The following NCOA2 variants were observed in gnomAD, a reference collection of about 807,000 sequenced individuals.
NCOA2 encodes the protein nuclear receptor coactivator 2.
In NCOA2, 21 loss-of-function variants were observed where a neutral mutation model predicts 145.1. The ratio of observed to expected loss-of-function variants is 0.14; its 90% confidence interval spans 0.10 to 0.21. The LOEUF (loss-of-function observed/expected upper bound fraction) is 0.21. Among genes scored for constraint, NCOA2 ranks in the 10% least tolerant of loss-of-function variants. NCOA2 has a pLI of 1.00. For synonymous variants in NCOA2, 619 were observed against 637.5 expected (o/e 0.97, Z 0.44); for missense variants, 1,472 against 1,837.6 (o/e 0.80, Z 3.64).
the NCOA2 span, among the ~76,000 whole-genome samples, chr8:70,426,187 T>C: frequency 5.9e-5 from 9 of 152,158 alleles, no homozygotes; most frequent in Admixed American, 5.9e-4. Flanking sequence ...GACTAGTCAT[T>C]CCATCCATTA....
chr8:70,383,903 C>T (rs528749994), intron 1 of NCOA2, among the ~76,000 whole-genome samples: 1 of 152,318 alleles, frequency 6.6e-6, no homozygotes, highest in Admixed American at 6.5e-5. Context: ...TATAAATAGT[C>T]TTCTCTGGTA....
chr8:70,361,727 T>A (rs970657102), intron 1 of NCOA2, among the ~76,000 whole-genome samples: 7 of 152,228 alleles, frequency 4.6e-5, no homozygotes, highest in Non-Finnish European at 1.5e-5. Context: ...ATAATCCAAT[T>A]ATATGTAAAT....
intron 2 of NCOA2, among the ~76,000 whole-genome samples, chr8:70,287,452 T>C (rs79552844): frequency 2.6e-5 from 4 of 152,328 alleles, no homozygotes; most frequent in Admixed American, 2.6e-4. Flanking sequence ...AAAGGTCCTA[T>C]ATAGGCTTCT....
At chr8:70,288,444 G>C (rs1461278314) in intron 2 of NCOA2, among the ~76,000 whole-genome samples, 1 of 152,084 alleles carries the variant, frequency 6.6e-6, no homozygotes, top group Non-Finnish European at 1.5e-5. Flanking sequence ...AGCCAGCATG[G>C]TGGTGCGCAC....
intron 1 of NCOA2, among the ~76,000 whole-genome samples, chr8:70,344,709 T>A (rs924794232): frequency 6.6e-6 from 1 of 152,166 alleles, no homozygotes; most frequent in Non-Finnish European, 1.5e-5. Flanking sequence ...TAAAGTTCCA[T>A]GAGCAGGAGA....
At chr8:70,213,611 C>T (rs750971215) in intron 4 of NCOA2, among the ~76,000 whole-genome samples, 7 of 152,094 alleles carry the variant, frequency 4.6e-5, no homozygotes, top group Non-Finnish European at 7.4e-5. Context: ...CTTGAAAATG[C>T]CACAGTGTGG....
chr8:70,310,858 T>C (rs1173988342), intron 1 of NCOA2, among the ~76,000 whole-genome samples: 1 of 152,222 alleles, frequency 6.6e-6, no homozygotes, highest in African/African-American at 2.4e-5. Flanking sequence ...TATTCACACC[T>C]TTCTATTTGT....
At chr8:70,227,955 G>A (rs1187376736) in intron 2 of NCOA2, among the ~76,000 whole-genome samples, 5 of 143,700 alleles carry the variant, frequency 3.5e-5, no homozygotes, top group Admixed American at 7.2e-5. Context: ...GGTGGAGGTC[G>A]CAGTGAGCCA....
the NCOA2 span, among the ~76,000 whole-genome samples, chr8:70,432,108 G>A: frequency 6.6e-6 from 1 of 152,230 alleles, no homozygotes; most frequent in African/African-American, 2.4e-5. Flanking sequence ...ATGAGTCCTA[G>A]ATAGGTATTT....
intron 1 of NCOA2, among the ~76,000 whole-genome samples, chr8:70,391,317 T>C (rs761955066): frequency 6.6e-6 from 1 of 152,222 alleles, no homozygotes; most frequent in African/African-American, 2.4e-5. Flanking sequence ...TCTCAATTTC[T>C]ATCCCCCTCC....
At position 70,124,076 on chromosome 8, in the gene NCOA2, A is replaced by G; in HGVS notation, c.4101T>C (p.Phe1367=). 3.1e-6 allele frequency: 5 copies of G among 1,613,064 alleles called. No homozygotes were observed. The South Asian group carries it at 5.5e-5, about 18-fold the overall frequency. Residue 1367 remains phenylalanine (F), a synonymous_variant, in exon 21 of 23, where the codon TTT becomes TTC. Coordinates refer to ENST00000452400, the MANE Select transcript of NCOA2 (RefSeq NM_006540.4). ...AQGNMGGNSM[F]SQQSPPHFGQ... is the part of the protein sequence containing the mutation. ...CAAAGTGTGGTGGGGACTGCTGGGA[A>G]AACATGCTGGAATACAATGGAAAGA...
chr8:70,186,456 G>C (rs569988790), intron 4 of NCOA2, among the ~76,000 whole-genome samples: 18 of 152,256 alleles, frequency 1.2e-4, no homozygotes, highest in African/African-American at 4.3e-4. Context: ...GATCAGGGCT[G>C]ACTGCAGAGG....
chr8:70,404,340 A>G (rs1347412134), upstream of NCOA2, among the ~76,000 whole-genome samples: 1 of 152,242 alleles, frequency 6.6e-6, no homozygotes, highest in Non-Finnish European at 1.5e-5. Context: ...TGGGGGCTGC[A>G]GACGGCAGGG....
At chr8:70,301,655 C>CAAAA (rs71275063) in intron 1 of NCOA2, among the ~76,000 whole-genome samples, 724 of 59,344 alleles carry the variant, frequency 0.012, 4 homozygotes, top group East Asian at 0.02. Flanking sequence ...GACCCTTTCT[C>CAAAA]AAAAAAAAAA....
At chr8:70,289,428 A>T (rs1469680898) in intron 2 of NCOA2, among the ~76,000 whole-genome samples, 1 of 152,274 alleles carries the variant, frequency 6.6e-6, no homozygotes, top group African/African-American at 2.4e-5. Context: ...GTATCTTAAA[A>T]ATTTCCCCAT....
chr8:70,332,396 A>G (rs1277655516), intron 1 of NCOA2, among the ~76,000 whole-genome samples: 1 of 152,160 alleles, frequency 6.6e-6, no homozygotes, highest in Non-Finnish European at 1.5e-5. Context: ...CAATACTACA[A>G]TATATTATAA....
chr8:70,339,064 A>G (rs888334979), intron 1 of NCOA2, among the ~76,000 whole-genome samples: 4 of 152,192 alleles, frequency 2.6e-5, no homozygotes, highest in Non-Finnish European at 5.9e-5. Context: ...TATTATGCAT[A>G]GTACTGGAAG....
intron 2 of NCOA2, among the ~76,000 whole-genome samples, chr8:70,295,839 T>C (rs1310798039): frequency 6.6e-6 from 1 of 151,982 alleles, no homozygotes. Flanking sequence ...CAGCTACTCA[T>C]GAGGCTGAGG....
At chr8:70,368,391 A>C (rs1223047699) in intron 1 of NCOA2, among the ~76,000 whole-genome samples, 1 of 152,190 alleles carries the variant, frequency 6.6e-6, no homozygotes, top group African/African-American at 2.4e-5. Context: ...GGAGGAATGA[A>C]AGCAGAGTTT....
Sources: allele counts gnomAD v4.1 joint callset (sites outside exome capture counted in the v4.1 genomes callset), GRCh38; gene constraint gnomAD v4.1.1; transcripts MANE v1.5; gene names NCBI Gene and HGNC (gene_info 2026-07-23, HGNC 2026-07-21).